Variants in NCAM2 observed in about 807,000 individuals in gnomAD.
The protein encoded by NCAM2 is neural cell adhesion molecule 2.
A neutral mutation model predicts 98.1 loss-of-function variants in NCAM2; 30 were observed. The observed-to-expected ratio is 0.31, with a 90% CI of 0.23 to 0.41. The LOEUF is 0.41. NCAM2 is among the 10% of genes least tolerant of loss of function. NCAM2 has a pLI of 1.00. For missense variants in NCAM2, 867 were observed against 1,005.8 expected (o/e 0.86, Z 1.87); for synonymous variants, 368 against 342.4 (o/e 1.07, Z -0.83).
chr21:21,159,215 G>A (rs1184111783), intron 1 of NCAM2, among the ~76,000 whole-genome samples: 2 of 152,030 alleles, frequency 1.3e-5, no homozygotes, highest in East Asian at 3.9e-4. Context: ...TGTGTTGTAA[G>A]CTATTATTAC....
intron 9 of NCAM2, among the ~76,000 whole-genome samples, chr21:21,383,138 A>G (rs1190747403): frequency 2.0e-5 from 3 of 152,084 alleles, no homozygotes. Context: ...GATATTGTAA[A>G]TATTATGTTG....
At chr21:21,023,112 A>G (rs929635269) in intron 1 of NCAM2, among the ~76,000 whole-genome samples, 13 of 152,224 alleles carry the variant, frequency 8.5e-5, no homozygotes, top group African/African-American at 2.7e-4. Flanking sequence ...CAAAAATCCA[A>G]ACTGGCTGTT....
At chr21:21,379,400 C>A (rs1302432591) in intron 9 of NCAM2, among the ~76,000 whole-genome samples, 1 of 151,956 alleles carries the variant, frequency 6.6e-6, no homozygotes, top group East Asian at 1.9e-4. Flanking sequence ...AATCACATAA[C>A]TCCAGATTTT....
rs186753243 is a variant in NCAM2 at position 21,131,166 on chromosome 21, T to C, written c.55+132548T>C. 6.0e-4 allele frequency among the ~76,000 whole-genome samples: 92 copies of C among 152,258 alleles called. 1 individual carries two copies. The East Asian group carries it at 0.016, about 26-fold the overall frequency. On this transcript the variant is annotated intron_variant, in intron 1 of 17. Coordinates refer to ENST00000400546, the MANE Select transcript of NCAM2 (RefSeq NM_004540.5). Reference sequence around the variant, plus strand: ...CACAGCTAATATAGACATTTCTAACTGATCATTGGATAAATGGTGGGGTTT... The same window carrying C: ...CACAGCTAATATAGACATTTCTAACCGATCATTGGATAAATGGTGGGGTTT...
chr21:21,364,104 T>C (rs1197859464), intron 8 of NCAM2, among the ~76,000 whole-genome samples: 1 of 152,096 alleles, frequency 6.6e-6, no homozygotes, highest in Non-Finnish European at 1.5e-5. Context: ...TCCACACTTT[T>C]AGTTTTTAGC....
chr21:21,208,698 A>G (rs1568770747), intron 1 of NCAM2, among the ~76,000 whole-genome samples: 1 of 152,136 alleles, frequency 6.6e-6, no homozygotes, highest in African/African-American at 2.4e-5. Flanking sequence ...GAAAAAAAAA[A>G]TCTTTGACAT....
intron 1 of NCAM2, among the ~76,000 whole-genome samples, chr21:21,123,848 C>T (rs867122421): frequency 4.5e-4 from 39 of 86,648 alleles, no homozygotes; most frequent in Middle Eastern, 0.013. Context: ...TTCTTGATTG[C>T]TTTTTTTTTT....
intron 15 of NCAM2, among the ~76,000 whole-genome samples, 194 bp downstream of exon 15, chr21:21,477,665 T>C (rs1280834868): frequency 2.0e-5 from 3 of 152,104 alleles, no homozygotes; most frequent in Non-Finnish European, 2.9e-5. Context: ...TTTGTAAATA[T>C]ATTTTGACCC....
intron 12 of NCAM2, among the ~76,000 whole-genome samples, chr21:21,456,852 A>T (rs1253242654): frequency 6.6e-6 from 1 of 152,184 alleles, no homozygotes; most frequent in East Asian, 1.9e-4. Context: ...GGGTGGAATG[A>T]GAAGATGTCT....
intron 1 of NCAM2, among the ~76,000 whole-genome samples, chr21:21,114,178 C>G (rs1849271895): frequency 6.6e-6 from 1 of 152,080 alleles, no homozygotes; most frequent in African/African-American, 2.4e-5. Flanking sequence ...TAACCTAACT[C>G]TCAAATATCC....
intron 1 of NCAM2, among the ~76,000 whole-genome samples, chr21:21,138,114 A>C (rs1971405609): frequency 1.3e-5 from 2 of 152,146 alleles, no homozygotes; most frequent in African/African-American, 4.8e-5. Context: ...GGGCATATCA[A>C]AAAGCAATTT....
chr21:21,046,083 A>G (rs538023437), intron 1 of NCAM2, among the ~76,000 whole-genome samples: 2 of 152,176 alleles, frequency 1.3e-5, no homozygotes, highest in Non-Finnish European at 2.9e-5. Context: ...AAATCCAAGT[A>G]TGGGCATGCA....
In NCAM2 at chr21:21,264,085, A is replaced by C. The variant is rs77066199; in HGVS notation, c.56-16493A>C. 5.9e-3 allele frequency among the ~76,000 whole-genome samples: 894 copies of C among 152,276 alleles called. 25 individuals are homozygous for C. In the East Asian group the frequency reaches 0.071, roughly 12 times the overall value. On this transcript the variant is annotated intron_variant, in intron 1 of 17. Coordinates refer to ENST00000400546, the MANE Select transcript of NCAM2 (RefSeq NM_004540.5). ...TACAAAATTGGGAGAAAATATTTGC[A>C]AACTATGCCTCTGACAAAGGATTGA...
At chr21:21,498,532 T>C (rs1389427206) in intron 15 of NCAM2, among the ~76,000 whole-genome samples, 1 of 152,194 alleles carries the variant, frequency 6.6e-6, no homozygotes, top group East Asian at 1.9e-4. Context: ...CAATTATTTC[T>C]GTAAGCAGTT....
intron 11 of NCAM2, among the ~76,000 whole-genome samples, chr21:21,422,814 G>T (rs2077137808): frequency 6.6e-6 from 1 of 152,062 alleles, no homozygotes; most frequent in African/African-American, 2.4e-5. Flanking sequence ...CTAGTAGGAA[G>T]CATTCTCTAT....
intron 9 of NCAM2, among the ~76,000 whole-genome samples, chr21:21,394,607 G>C (rs1179472277): frequency 6.7e-6 from 1 of 148,500 alleles, no homozygotes; most frequent in African/African-American, 2.5e-5. Context: ...TCCTGCCTCA[G>C]CCTCCAGAGT....
At chr21:21,120,545 G>A (rs1423889534) in intron 1 of NCAM2, among the ~76,000 whole-genome samples, 1 of 152,086 alleles carries the variant, frequency 6.6e-6, no homozygotes, top group Non-Finnish European at 1.5e-5. Flanking sequence ...AAGCCTGCGT[G>A]TTCACAGGCG....
At chr21:21,127,408 A>G (rs985511030) in intron 1 of NCAM2, among the ~76,000 whole-genome samples, 9 of 152,056 alleles carry the variant, frequency 5.9e-5, no homozygotes, top group African/African-American at 2.2e-4. Context: ...CGATCAAACC[A>G]GAGTAACTGG....
chr21:21,027,460 T>A (rs1480805769), intron 1 of NCAM2, among the ~76,000 whole-genome samples: 1 of 152,220 alleles, frequency 6.6e-6, no homozygotes, highest in Non-Finnish European at 1.5e-5. Context: ...CAATACAATT[T>A]CTAATTATAA....
Sources: gnomAD v4.1 joint callset for allele counts (sites outside exome capture counted in the v4.1 genomes callset) on GRCh38, gnomAD v4.1.1 for gene constraint, MANE v1.5 for transcripts, NCBI Gene and HGNC (gene_info 2026-07-23, HGNC 2026-07-21) for gene names.